Variants in AFG2A observed in about 807,000 individuals in gnomAD.
AFG2A encodes the protein AAA ATPase AFG2A, also known as ATPase family gene 2 protein homolog A.
chr4:123,253,751 T>C, the AFG2A span, among the ~76,000 whole-genome samples: 1 of 152,192 alleles, frequency 6.6e-6, no homozygotes, highest in Non-Finnish European at 1.5e-5. Flanking sequence ...AATTGGGTTG[T>C]TATGATGTGG....
At chr4:123,311,488 G>A in the AFG2A span, among the ~76,000 whole-genome samples, 4 of 151,924 alleles carry the variant, frequency 2.6e-5, no homozygotes, top group South Asian at 2.1e-4. Flanking sequence ...CTAGCCAGGC[G>A]TGGTGGCACG....
At chr4:123,115,304 A>G in the AFG2A span, among the ~76,000 whole-genome samples, 4 of 152,018 alleles carry the variant, frequency 2.6e-5, no homozygotes, top group East Asian at 7.8e-4. Context: ...CAGGCTGAAC[A>G]GTCACTCCGA....
At chr4:123,279,186 CG>C in the AFG2A span, among the ~76,000 whole-genome samples, 2 of 152,100 alleles carry the variant, frequency 1.3e-5, no homozygotes, top group African/African-American at 4.8e-5. Flanking sequence ...GAGGCCAAGG[CG>C]GGTGGATCAC....
At chr4:123,020,430 G>A in the AFG2A span, among the ~76,000 whole-genome samples, 3 of 150,664 alleles carry the variant, frequency 2.0e-5, no homozygotes, top group Admixed American at 6.6e-5. Flanking sequence ...GTTCAATGGC[G>A]CGATCTCGGC....
chr4:123,088,524 A>T, the AFG2A span, among the ~76,000 whole-genome samples: 52 of 152,178 alleles, frequency 3.4e-4, no homozygotes, highest in Admixed American at 3.3e-3. Context: ...CTTTTGAAGG[A>T]TGTTGATAGT....
At chr4:123,098,650 G>A in the AFG2A span, among the ~76,000 whole-genome samples, 1 of 151,956 alleles carries the variant, frequency 6.6e-6, no homozygotes, top group African/African-American at 2.4e-5. Context: ...ATTTCACTTA[G>A]CATAATGTCC....
At chr4:122,962,202 T>C in the AFG2A span, among the ~76,000 whole-genome samples, 1 of 152,216 alleles carries the variant, frequency 6.6e-6, no homozygotes, top group South Asian at 2.1e-4. Context: ...CACCTCCTGC[T>C]GTGAAGCCCA....
the AFG2A span, among the ~76,000 whole-genome samples, chr4:123,265,233 C>A: frequency 6.6e-6 from 1 of 152,012 alleles, no homozygotes; most frequent in Non-Finnish European, 1.5e-5. Flanking sequence ...TTAAGAACAG[C>A]TAATCAAGTT....
the AFG2A span, among the ~76,000 whole-genome samples, chr4:123,219,302 G>A: frequency 6.6e-6 from 1 of 152,332 alleles, no homozygotes; most frequent in Non-Finnish European, 1.5e-5. Context: ...TCAGCAAACT[G>A]CTTATACCCC....
chr4:123,007,043 A>G, the AFG2A span, among the ~76,000 whole-genome samples: 16 of 151,326 alleles, frequency 1.1e-4, no homozygotes, highest in African/African-American at 3.9e-4. Context: ...AGACATTGTA[A>G]ATTTTACCTT....
chr4:123,114,195 A>C, the AFG2A span, among the ~76,000 whole-genome samples: 2 of 151,818 alleles, frequency 1.3e-5, no homozygotes, highest in Non-Finnish European at 2.9e-5. Flanking sequence ...AGAGGGGAGG[A>C]AGTGCATGCC....
the AFG2A span, among the ~76,000 whole-genome samples, chr4:123,123,045 T>C: frequency 1.3e-5 from 2 of 152,188 alleles, no homozygotes; most frequent in Admixed American, 6.5e-5. Context: ...AAATCTATTT[T>C]ACTTTAGTAT....
At chr4:122,980,342 A>G in the AFG2A span, among the ~76,000 whole-genome samples, 3 of 152,318 alleles carry the variant, frequency 2.0e-5, no homozygotes, top group Non-Finnish European at 2.9e-5. Context: ...ATAAGGCCAA[A>G]TAATATTCCA....
chr4:123,250,827 A>G, the AFG2A span, among the ~76,000 whole-genome samples: 1 of 152,198 alleles, frequency 6.6e-6, no homozygotes, highest in Non-Finnish European at 1.5e-5. Context: ...TCATATAGTG[A>G]TTTTAATAAT....
At chr4:123,052,439 G>C in the AFG2A span, among the ~76,000 whole-genome samples, 2 of 152,138 alleles carry the variant, frequency 1.3e-5, no homozygotes, top group East Asian at 3.9e-4. Flanking sequence ...TATCACTTTA[G>C]GGTTGGCCTC....
chr4:123,250,920 G>A, the AFG2A span, among the ~76,000 whole-genome samples: 1 of 152,084 alleles, frequency 6.6e-6, no homozygotes, highest in Non-Finnish European at 1.5e-5. Flanking sequence ...TAGGAAGGGT[G>A]TTTACTCATT....
the AFG2A span, among the ~76,000 whole-genome samples, chr4:123,007,918 CTT>C: frequency 4.6e-5 from 7 of 151,958 alleles, no homozygotes; most frequent in African/African-American, 1.7e-4. Flanking sequence ...GGGTCATTGT[CTT>C]TGATTCAGAT....
At chr4:123,223,991 C>A in the AFG2A span, among the ~76,000 whole-genome samples, 1 of 152,174 alleles carries the variant, frequency 6.6e-6, no homozygotes, top group African/African-American at 2.4e-5. Context: ...GAAATTATCA[C>A]CAGGACCAAT....
At chr4:123,011,731 G>T in the AFG2A span, among the ~76,000 whole-genome samples, 1 of 152,138 alleles carries the variant, frequency 6.6e-6, no homozygotes, top group Non-Finnish European at 1.5e-5. Flanking sequence ...GAGGTTTTAA[G>T]GTCTTGAGAA....
Sources: allele counts gnomAD v4.1 joint callset (sites outside exome capture counted in the v4.1 genomes callset), GRCh38; gene constraint gnomAD v4.1.1; transcripts MANE v1.5; gene names NCBI Gene and HGNC (gene_info 2026-07-23, HGNC 2026-07-21).